DYNLT2B: variants seen among roughly 807,000 people sequenced by gnomAD.
DYNLT2B encodes the protein dynein light chain Tctex-type 2B, also known as dynein light chain Tctex-type protein 2B.
DYNLT2B carries 14 observed loss-of-function variants against 19.5 expected under a neutral mutation model. That is an observed-to-expected ratio of 0.72 (90% CI 0.47 to 1.12). DYNLT2B has a LOEUF of 1.12. DYNLT2B is among the 50% of genes most tolerant of loss of function. The pLI, the probability that DYNLT2B is intolerant of heterozygous loss-of-function variation, is 0.00. For missense variants in DYNLT2B, 133 were observed against 174.7 expected (o/e 0.76, Z 1.35); for synonymous variants, 70 against 59.7 (o/e 1.17, Z -0.79).
intron 3 of DYNLT2B, among the ~76,000 whole-genome samples, chr3:196,304,511 A>G (rs1726438349): frequency 6.6e-6 from 1 of 152,094 alleles, no homozygotes; most frequent in Non-Finnish European, 1.5e-5. Context: ...GGCTGGGTGC[A>G]GTGGCTCACA....
In DYNLT2B at chr3:196,318,073, T is replaced by G; in HGVS notation, c.80A>C (p.Asn27Thr). The change falls in exon 1 of 5, where the codon AAC becomes ACC. Residue 27 changes from asparagine to threonine, a missense_variant. Physicochemically the swap from Asn to Thr is moderately conservative, Grantham distance 65 (BLOSUM62 0). Transcript: ENST00000325318. ...EAEKNAGEPE[N>T]TYILRPVFQQ... ...GAAAACAGGCCGCAGAATATAGGTG[T>G]TCTCGGGCTCCCCTGCGTTCTTCTC... 1 of 1,562,370 alleles carries G rather than the reference T, an allele frequency of 6.4e-7. No individual in the cohort carries two copies. Among genetic ancestry groups the G allele is most frequent in the Non-Finnish European group, 8.6e-7 (1 of 1,158,658 alleles).
chr3:196,315,649 G>C (rs1726767471), intron 2 of DYNLT2B, among the ~76,000 whole-genome samples: 1 of 151,900 alleles, frequency 6.6e-6, no homozygotes, highest in Non-Finnish European at 1.5e-5. Flanking sequence ...GAGGCGGGTG[G>C]ATTACCTGAG....
In DYNLT2B at chr3:196,314,933, G is replaced by T. The variant is rs1014592340; in HGVS notation, c.247+1165C>A. ...TAGTTTGGTAGGGGTCGAGGGTTGAGTAAGGGAAGTAGCTAAGGATTAGGG... is the reference window on the plus strand; with the variant it reads ...TAGTTTGGTAGGGGTCGAGGGTTGATTAAGGGAAGTAGCTAAGGATTAGGG... On this transcript the variant is annotated intron_variant, in intron 2 of 4. Transcript: ENST00000325318. 4.6e-5 allele frequency among the ~76,000 whole-genome samples: 7 copies of T among 152,166 alleles called. No individual in the cohort carries two copies. The South Asian group carries it at 6.2e-4, about 13-fold the overall frequency.
intron 1 of DYNLT2B, among the ~76,000 whole-genome samples, chr3:196,316,914 G>GTGTGTGTT (rs1267478485): frequency 1.6e-4 from 7 of 44,170 alleles, no homozygotes; most frequent in South Asian, 1.2e-3. Flanking sequence ...TGTGTTGTGT[G>GTGTGTGTT]GTGTGTGTGT....
chr3:196,293,941 C>A (rs1369339385), intron 4 of DYNLT2B, among the ~76,000 whole-genome samples: 1 of 150,350 alleles, frequency 6.7e-6, no homozygotes, highest in Non-Finnish European at 1.5e-5. Context: ...CCGTGCCTGG[C>A]AAAAAAAACC....
intron 3 of DYNLT2B, among the ~76,000 whole-genome samples, chr3:196,306,463 T>C (rs2108794504): frequency 6.6e-6 from 1 of 151,884 alleles, no homozygotes; most frequent in South Asian, 2.1e-4. Flanking sequence ...AGAAAACACA[T>C]ACATACATAT....
chr3:196,298,611 T>G (rs189625409), intron 3 of DYNLT2B, among the ~76,000 whole-genome samples: 1 of 151,856 alleles, frequency 6.6e-6, no homozygotes, highest in South Asian at 2.1e-4. Flanking sequence ...GGAAAAAGTG[T>G]AATGGTACAG....
chr3:196,291,436 G>A (rs190004238), intron 4 of DYNLT2B, 62 bp from the exon 5 acceptor site: 4 of 1,493,732 alleles, frequency 2.7e-6, no homozygotes, highest in East Asian at 2.4e-5. Context: ...GGGAATGAGA[G>A]CAGCACAGGC....
At chr3:196,294,765 T>C (rs1726181394) in intron 4 of DYNLT2B, among the ~76,000 whole-genome samples, 1 of 152,232 alleles carries the variant, frequency 6.6e-6, no homozygotes, top group African/African-American at 2.4e-5. Flanking sequence ...AGACAGAGTC[T>C]TGCTCTGCTG....
chr3:196,311,661 T>TTTTATTTATTTA lies in DYNLT2B; in HGVS notation c.247+4425_247+4436dup, dbSNP rs148137456. Among the ~76,000 whole-genome samples the TTTTATTTATTTA allele has an allele frequency of 9.9e-3, 1,457 of 147,656 alleles. 33 individuals are homozygous for TTTTATTTATTTA. The highest frequency in any genetic ancestry group is 0.034 in the African/African-American group (1,382 of 40,136). On this transcript the variant is annotated intron_variant, in intron 2 of 4. Transcript: ENST00000325318. ...AGCATAAAGGTGAAGATGAGGATTATTTTATTTATTTATTTATTTATTTAT... is the reference window on the plus strand; with the variant it reads ...AGCATAAAGGTGAAGATGAGGATTATTTTATTTATTTATTTATTTATTTATTTATTTATTTAT...
chr3:196,295,963 C>G, intron 4 of DYNLT2B, 43 bp downstream of exon 4: 1 of 1,536,180 alleles, frequency 6.5e-7, no homozygotes, highest in Non-Finnish European at 9.0e-7. Context: ...TTTGCGGTGC[C>G]CACGTTCTTA....
At chr3:196,293,575 G>A (rs1039077326) in intron 4 of DYNLT2B, among the ~76,000 whole-genome samples, 5 of 151,260 alleles carry the variant, frequency 3.3e-5, no homozygotes, top group Admixed American at 6.6e-5. Context: ...GCAGTGAGCC[G>A]TGATGGCACC....
chr3:196,312,961 G>A (rs1178738494), intron 2 of DYNLT2B, among the ~76,000 whole-genome samples: 1 of 152,054 alleles, frequency 6.6e-6, no homozygotes, highest in Non-Finnish European at 1.5e-5. Context: ...AGGCTGCAGT[G>A]ATCTGAAATC....
intron 3 of DYNLT2B, chr3:196,298,015 G>T: frequency 1.2e-5 from 2 of 172,336 alleles, no homozygotes; most frequent in East Asian, 1.5e-4. Context: ...AGATGGCCGT[G>T]ACCTTGATAC....
rs748300114 is a variant in DYNLT2B, at chr3:196,318,053, C to G, written c.100G>C (p.Val34Leu). ...EPENTYILRPVFQQRFRPSVV... is the reference protein window; with the variant it reads ...EPENTYILRPLFQQRFRPSVV... The stretch of plus-strand genomic sequence containing the variant: ...TCCTCTACCCGCCTCTGCTGGAAAA[C>G]AGGCCGCAGAATATAGGTGTTCTCG... Residue 34 changes from valine to leucine, a missense_variant, in exon 1 of 5, where the codon GTT becomes CTT. Coordinates refer to ENST00000325318, the MANE Select transcript of DYNLT2B (RefSeq NM_152773.5). 8 of 1,537,158 alleles carry G rather than the reference C, an allele frequency of 5.2e-6. No individual in the cohort carries two copies. The highest frequency in any genetic ancestry group is 2.8e-5 in the African/African-American group (2 of 70,244).
At chr3:196,302,756 C>T (rs1726388142) in intron 3 of DYNLT2B, among the ~76,000 whole-genome samples, 1 of 152,060 alleles carries the variant, frequency 6.6e-6, no homozygotes, top group Admixed American at 6.6e-5. Context: ...GAAATGAAAC[C>T]GCCTTTGCAA....
intron 4 of DYNLT2B, among the ~76,000 whole-genome samples, chr3:196,294,007 G>C (rs1726160364): frequency 6.6e-6 from 1 of 151,822 alleles, no homozygotes; most frequent in Non-Finnish European, 1.5e-5. Context: ...GATTTACATA[G>C]TACTTCCCAC....
chr3:196,316,869 CGT>C (rs1726814112), intron 1 of DYNLT2B, among the ~76,000 whole-genome samples: 1 of 135,532 alleles, frequency 7.4e-6, no homozygotes, highest in East Asian at 2.3e-4. Context: ...TGCTCTGGCC[CGT>C]GAGCCTGACA....
Position 196,317,953 on chromosome 3 carries a change from T to C in DYNLT2B, c.113+87A>G, listed in dbSNP as rs1351402665. The C allele has an allele frequency of 2.5e-5, 18 of 706,898 alleles. 1 individual carries two copies. The South Asian group carries it at 5.9e-4, about 23-fold the overall frequency. The allele number at this position is 706,898 out of a possible 1,614,324, so 43.8% of individuals were successfully genotyped here. A position where few individuals can be genotyped will look rare whatever the true frequency, so the allele number is the denominator to read the frequency against. ...CGCGGACCCCGCGCGTCCCCCGCGCTCCTTCCGTGGCCCAGGTCCCAGGCG... is the reference window on the plus strand; with the variant it reads ...CGCGGACCCCGCGCGTCCCCCGCGCCCCTTCCGTGGCCCAGGTCCCAGGCG... On this transcript the variant is annotated intron_variant, in intron 1 of 4. Transcript: ENST00000325318.
Sources: allele counts gnomAD v4.1 joint callset (sites outside exome capture counted in the v4.1 genomes callset), GRCh38; gene constraint gnomAD v4.1.1; transcripts MANE v1.5; gene names NCBI Gene and HGNC (gene_info 2026-07-23, HGNC 2026-07-21).